Variants in DNASE2B observed in about 807,000 individuals in gnomAD.
The protein encoded by DNASE2B is deoxyribonuclease-2-beta.
Under a neutral mutation model 46.0 loss-of-function variants are expected in DNASE2B, and 43 were observed. That is an observed-to-expected ratio of 0.94 (90% CI 0.73 to 1.21). The LOEUF (loss-of-function observed/expected upper bound fraction) is 1.21, where lower values mean the gene tolerates loss of function less well. Ranked by LOEUF, DNASE2B falls within the 50% of genes most tolerant of loss-of-function variation. DNASE2B has a pLI of 0.00. For synonymous variants in DNASE2B, 156 were observed against 152.5 expected, an observed-to-expected ratio of 1.02 and a Z score of -0.17; for missense variants, 395 against 414.4, an observed-to-expected ratio of 0.95 and a Z score of 0.41.
At chr1:84,404,141 A>AT (rs1344815294) in intron 2 of DNASE2B, among the ~76,000 whole-genome samples, 1 of 151,870 alleles carries the variant, frequency 6.6e-6, no homozygotes, top group African/African-American at 2.4e-5. Flanking sequence ...TGCGTCTAAT[A>AT]TTGATCTGTG....
intron 1 of DNASE2B, among the ~76,000 whole-genome samples, chr1:84,401,113 T>C (rs994205974): frequency 6.6e-6 from 1 of 152,156 alleles, no homozygotes; most frequent in Non-Finnish European, 1.5e-5. Flanking sequence ...AGATCAGTGG[T>C]TCTCAACCGA....
At chr1:84,401,046 C>T (rs1188050666) in intron 1 of DNASE2B, among the ~76,000 whole-genome samples, 1 of 152,134 alleles carries the variant, frequency 6.6e-6, no homozygotes, top group African/African-American at 2.4e-5. Flanking sequence ...ATGTTTGGTG[C>T]ACTGTGAGTG....
At chr1:84,405,811 A>T (rs533288906) in intron 2 of DNASE2B, among the ~76,000 whole-genome samples, 224 of 152,316 alleles carry the variant, frequency 1.5e-3, no homozygotes, top group Non-Finnish European at 2.4e-3. Context: ...GTATTACTAC[A>T]GTTAATTTAA....
intron 2 of DNASE2B, among the ~76,000 whole-genome samples, chr1:84,404,004 A>T (rs1396450876): frequency 1.5e-5 from 2 of 135,086 alleles, no homozygotes; most frequent in Non-Finnish European, 3.1e-5. Context: ...ATAGGGTTTC[A>T]TGATGTTACC....
intron 5 of DNASE2B, among the ~76,000 whole-genome samples, chr1:84,413,946 T>A (rs527644390): frequency 1.3e-5 from 2 of 152,334 alleles, no homozygotes; most frequent in East Asian, 3.9e-4. Flanking sequence ...CTCACATGTA[T>A]TGTATCTTCT....
At chr1:84,413,698 C>T (rs1251914934) in intron 5 of DNASE2B, among the ~76,000 whole-genome samples, 1 of 152,176 alleles carries the variant, frequency 6.6e-6, no homozygotes, top group Non-Finnish European at 1.5e-5. Context: ...ATTCTCAAGT[C>T]TTGATCTCTA....
chr1:84,402,457 G>C (rs544120128), intron 2 of DNASE2B, among the ~76,000 whole-genome samples: 2 of 152,340 alleles, frequency 1.3e-5, no homozygotes, highest in African/African-American at 2.4e-5. Context: ...AACATGCTAT[G>C]AGTTATGGAT....
At chr1:84,408,816 TTA>T (rs10556229) in intron 3 of DNASE2B, among the ~76,000 whole-genome samples, 59,379 of 149,084 alleles carry the variant, frequency 0.4, 11,746 homozygotes, top group Middle Eastern at 0.47. Context: ...ACCAGCAATT[TTA>T]TATATATATA....
chr1:84,407,013 G>A (rs1005329436), intron 2 of DNASE2B, among the ~76,000 whole-genome samples: 3 of 152,090 alleles, frequency 2.0e-5, no homozygotes, highest in African/African-American at 4.8e-5. Context: ...TACCCCTCTT[G>A]TTCAACACTC....
chr1:84,402,188 C>G, intron 2 of DNASE2B, 110 bp downstream of exon 2: 1 of 1,084,030 alleles, frequency 9.2e-7, no homozygotes, highest in South Asian at 1.7e-5. Context: ...ATCCTAGCAC[C>G]TTGAAGTGAG....
At chr1:84,403,846 G>A (rs768187289) in intron 2 of DNASE2B, among the ~76,000 whole-genome samples, 3 of 151,812 alleles carry the variant, frequency 2.0e-5, no homozygotes, top group Non-Finnish European at 2.9e-5. Flanking sequence ...CAGTGCAGTG[G>A]CACCATAAGA....
intron 1 of DNASE2B, 106 bp from the exon 2 acceptor site, chr1:84,401,795 C>A: frequency 1.1e-6 from 1 of 874,142 alleles, no homozygotes; most frequent in Non-Finnish European, 1.6e-6. Context: ...CCTTAGAGGC[C>A]TTCCATGAAA....
At chr1:84,412,600 C>T (rs1680621177) in intron 5 of DNASE2B, 54 bp downstream of exon 5, 1 of 1,391,956 alleles carries the variant, frequency 7.2e-7, no homozygotes, top group East Asian at 2.4e-5. Context: ...GTTGAACTGA[C>T]TAGGGATAGC....
intron 1 of DNASE2B, 106 bp downstream of exon 1, chr1:84,398,795 C>T: frequency 6.7e-7 from 1 of 1,482,146 alleles, no homozygotes; most frequent in South Asian, 1.3e-5. Flanking sequence ...TCTTTCCTCC[C>T]TTTACAAATA....
chr1:84,412,087 T>C (rs1680608156), intron 4 of DNASE2B, among the ~76,000 whole-genome samples: 2 of 152,212 alleles, frequency 1.3e-5, no homozygotes, highest in South Asian at 4.1e-4. Context: ...AACAACAGAA[T>C]TTGCCTGATA....
chr1:84,400,150 C>T (rs1388791243), intron 1 of DNASE2B, among the ~76,000 whole-genome samples: 2 of 152,170 alleles, frequency 1.3e-5, no homozygotes, highest in Non-Finnish European at 2.9e-5. Flanking sequence ...AGACAGATCA[C>T]CTGAGGTCAG....
At chr1:84,401,309 G>A (rs185393824) in intron 1 of DNASE2B, among the ~76,000 whole-genome samples, 3 of 152,284 alleles carry the variant, frequency 2.0e-5, no homozygotes, top group Non-Finnish European at 4.4e-5. Flanking sequence ...GCTGAGCTAG[G>A]TAATCCAATA....
rs1357747048 is a variant in DNASE2B at position 84,410,881 on chromosome 1, T to C, written c.429T>C (p.His143=). The change falls in exon 4 of 6, where the codon CAT becomes CAC. Residue 143 remains histidine, a synonymous_variant. Coordinates refer to ENST00000370665, the MANE Select transcript of DNASE2B (RefSeq NM_021233.3). The part of the protein sequence containing the change: ...WNRVQGFWLI[H]SIPQFPPIPE... ...GAGTTCAAGGGTTCTGGCTGATTCA[T>C]TCCATCCCTCAGTTTCCTCCAATTC... 2 of 1,613,558 alleles carry C rather than the reference T, an allele frequency of 1.2e-6. No homozygotes were observed. The highest frequency in any genetic ancestry group is 2.7e-5 in the African/African-American group (2 of 74,928).
chr1:84,400,134 C>G (rs1279924830), intron 1 of DNASE2B, among the ~76,000 whole-genome samples: 1 of 152,104 alleles, frequency 6.6e-6, no homozygotes, highest in African/African-American at 2.4e-5. Context: ...TTTAGGAGGC[C>G]TAGGCAGACA....
Sources: allele counts gnomAD v4.1 joint callset (sites outside exome capture counted in the v4.1 genomes callset), GRCh38; gene constraint gnomAD v4.1.1; transcripts MANE v1.5; gene names NCBI Gene and HGNC (gene_info 2026-07-23, HGNC 2026-07-21).